Variants in KCND2 observed in about 807,000 individuals in gnomAD.
The protein encoded by KCND2 is A-type voltage-gated potassium channel KCND2.
In KCND2, 16 loss-of-function variants were observed where a neutral mutation model predicts 54.4. The ratio of observed to expected loss-of-function variants is 0.29; its 90% CI spans 0.20 to 0.45. The LOEUF (loss-of-function observed/expected upper bound fraction) is 0.45, where lower values mean the gene tolerates loss of function less well. KCND2 is among the 20% of genes least tolerant of loss of function. The pLI, the probability that KCND2 is intolerant of heterozygous loss-of-function variation, is 1.00. For synonymous variants in KCND2, 317 were observed against 310.7 expected, an observed-to-expected ratio of 1.02 and a Z score of -0.21; for missense variants, 486 against 824.2, an observed-to-expected ratio of 0.59 and a Z score of 5.02.
At chr7:120,634,054 T>C (rs1341151417) in intron 1 of KCND2, among the ~76,000 whole-genome samples, 2 of 152,202 alleles carry the variant, frequency 1.3e-5, no homozygotes, top group African/African-American at 4.8e-5. Flanking sequence ...AATGTCACCA[T>C]GATCTAACAG....
intron 1 of KCND2, among the ~76,000 whole-genome samples, chr7:120,675,217 T>A (rs1034972238): frequency 6.6e-6 from 1 of 152,070 alleles, no homozygotes; most frequent in South Asian, 2.1e-4. Flanking sequence ...CTTTATTGAG[T>A]TTCTACTGCT....
intron 1 of KCND2, among the ~76,000 whole-genome samples, chr7:120,528,184 C>G (rs1172794090): frequency 1.3e-5 from 2 of 152,028 alleles, no homozygotes; most frequent in Non-Finnish European, 2.9e-5. Flanking sequence ...AAACATTACT[C>G]TTTAAATTGG....
intron 1 of KCND2, among the ~76,000 whole-genome samples, chr7:120,684,483 G>A (rs1348761538): frequency 6.6e-6 from 1 of 152,102 alleles, no homozygotes; most frequent in Admixed American, 6.5e-5. Context: ...ATTTTAAGAA[G>A]TTAGAGGATA....
chr7:120,714,111 A>G (rs1394439657), intron 1 of KCND2, among the ~76,000 whole-genome samples: 7 of 152,160 alleles, frequency 4.6e-5, no homozygotes, highest in Non-Finnish European at 1.0e-4. Context: ...CAATTAATAT[A>G]AGAAAATCAA....
chr7:120,398,177 A>G (rs955030130), intron 1 of KCND2, among the ~76,000 whole-genome samples: 1 of 148,208 alleles, frequency 6.7e-6, no homozygotes, highest in African/African-American at 2.5e-5. Context: ...ACACACACAC[A>G]CACATATATA....
At chr7:120,526,339 G>A (rs1260404661) in intron 1 of KCND2, among the ~76,000 whole-genome samples, 1 of 152,014 alleles carries the variant, frequency 6.6e-6, no homozygotes, top group African/African-American at 2.4e-5. Context: ...TGGCTTTGGA[G>A]AAAAATAATT....
intron 1 of KCND2, among the ~76,000 whole-genome samples, chr7:120,588,178 A>C (rs1792623757): frequency 6.6e-6 from 1 of 152,160 alleles, no homozygotes; most frequent in Non-Finnish European, 1.5e-5. Flanking sequence ...ATTTAATTAA[A>C]TCTTTACCCA....
chr7:120,357,898 A>ATC (rs966846662), intron 1 of KCND2, among the ~76,000 whole-genome samples: 3 of 152,118 alleles, frequency 2.0e-5, no homozygotes, highest in Non-Finnish European at 4.4e-5. Context: ...TAAAGGACCT[A>ATC]TCTCTCAATA....
At chr7:120,405,368 C>T (rs1429456092) in intron 1 of KCND2, among the ~76,000 whole-genome samples, 3 of 152,112 alleles carry the variant, frequency 2.0e-5, no homozygotes, top group African/African-American at 7.2e-5. Flanking sequence ...GACATTTCTT[C>T]AGGAGTGACT....
chr7:120,717,034 T>C (rs1265066513), intron 1 of KCND2, among the ~76,000 whole-genome samples: 1 of 152,148 alleles, frequency 6.6e-6, no homozygotes, highest in Non-Finnish European at 1.5e-5. Context: ...AACTATATGT[T>C]GTAGCAAACA....
intron 1 of KCND2, among the ~76,000 whole-genome samples, chr7:120,391,559 C>T (rs142167671): frequency 4.9e-4 from 74 of 152,198 alleles, no homozygotes; most frequent in African/African-American, 1.7e-3. Flanking sequence ...CCTATTTCTC[C>T]GCAACCTCGT....
Position 120,276,079 on chromosome 7 carries a change from A to C in KCND2, c.1115+332A>C, listed in dbSNP as rs1465848675. ...TGAAAAACAAAATCTATGCCCTAAT[A>C]AAGACACAAATATATACAATGTATA... is the stretch of plus-strand genomic sequence containing the variant. On this transcript the variant is annotated intron_variant, in intron 1 of 5. Transcript: ENST00000331113. 2.6e-5 allele frequency among the ~76,000 whole-genome samples: 4 copies of C among 152,300 alleles called. No individual in the cohort carries two copies. In the East Asian group the frequency reaches 7.7e-4, roughly 29 times the overall value.
intron 1 of KCND2, among the ~76,000 whole-genome samples, chr7:120,689,160 C>A (rs1286582438): frequency 6.6e-6 from 1 of 151,830 alleles, no homozygotes; most frequent in African/African-American, 2.4e-5. Context: ...AGTAGTGGGC[C>A]GAATTTGGAT....
intron 1 of KCND2, among the ~76,000 whole-genome samples, chr7:120,598,169 G>T (rs926962062): frequency 2.0e-5 from 3 of 151,986 alleles, no homozygotes; most frequent in Non-Finnish European, 2.9e-5. Flanking sequence ...TGGTTTCAAT[G>T]AGGAAAAGTC....
At chr7:120,315,591 A>G (rs1198346029) in intron 1 of KCND2, among the ~76,000 whole-genome samples, 5 of 152,190 alleles carry the variant, frequency 3.3e-5, no homozygotes, top group Admixed American at 6.5e-5. Flanking sequence ...GAAATTTTCA[A>G]CAAATTCTGG....
intron 1 of KCND2, among the ~76,000 whole-genome samples, chr7:120,451,773 C>G (rs1802112964): frequency 1.3e-5 from 2 of 152,202 alleles, no homozygotes; most frequent in Admixed American, 1.3e-4. Context: ...ATTCACCATC[C>G]TGGTGCTGTT....
intron 1 of KCND2, among the ~76,000 whole-genome samples, chr7:120,647,964 G>T (rs1320418687): frequency 6.6e-6 from 1 of 152,070 alleles, no homozygotes; most frequent in Admixed American, 6.5e-5. Context: ...GTCTTGCCTT[G>T]CTTTGTCGGC....
chr7:120,657,227 T>C (rs1185576083), intron 1 of KCND2, among the ~76,000 whole-genome samples: 1 of 152,164 alleles, frequency 6.6e-6, no homozygotes, highest in Non-Finnish European at 1.5e-5. Flanking sequence ...ATTGTTCATT[T>C]CCAATAAACA....
At chr7:120,278,964 T>G (rs769688983) in intron 1 of KCND2, among the ~76,000 whole-genome samples, 6 of 151,888 alleles carry the variant, frequency 4.0e-5, no homozygotes. Flanking sequence ...TGAATCACCC[T>G]TTTATCCACC....
Sources: gnomAD v4.1 joint callset for allele counts (sites outside exome capture counted in the v4.1 genomes callset) on GRCh38, gnomAD v4.1.1 for gene constraint, MANE v1.5 for transcripts, NCBI Gene and HGNC (gene_info 2026-07-23, HGNC 2026-07-21) for gene names.